The following TSPAN8 variants were observed in gnomAD, a reference collection of about 807,000 sequenced individuals.
TSPAN8 encodes tetraspanin-8.
A neutral mutation model predicts 32.8 loss-of-function variants in TSPAN8; 21 were observed. That is an observed-to-expected ratio of 0.64 (90% confidence interval 0.45 to 0.92). The LOEUF is 0.92. TSPAN8 is among the 40% of genes least tolerant of loss of function. The pLI, the probability that TSPAN8 is intolerant of heterozygous loss-of-function variation, is 0.00. For synonymous variants in TSPAN8, 95 were observed against 94.6 expected, an observed-to-expected ratio of 1.00 and a Z score of -0.03; for missense variants, 269 against 281.9, an observed-to-expected ratio of 0.95 and a Z score of 0.33.
At chr12:71,130,023 G>A (rs1871472450) in intron 7 of TSPAN8, among the ~76,000 whole-genome samples, 1 of 150,012 alleles carries the variant, frequency 6.7e-6, no homozygotes, top group Admixed American at 6.7e-5. Context: ...CGCAATCTTG[G>A]CTCACTGCAG....
intron 4 of TSPAN8, among the ~76,000 whole-genome samples, chr12:71,138,614 A>C (rs1486709271): frequency 6.6e-6 from 1 of 152,210 alleles, no homozygotes; most frequent in East Asian, 1.9e-4. Context: ...TCTCCACTAC[A>C]TTCAGAATCA....
At chr12:71,142,330 G>A (rs973739131) in intron 3 of TSPAN8, among the ~76,000 whole-genome samples, 4 of 152,174 alleles carry the variant, frequency 2.6e-5, no homozygotes, top group Non-Finnish European at 4.4e-5. Flanking sequence ...AAGGACAACA[G>A]TTCCCCTTTA....
chr12:71,145,068 G>C (rs1047243686), intron 2 of TSPAN8, among the ~76,000 whole-genome samples: 1 of 152,020 alleles, frequency 6.6e-6, no homozygotes, highest in Middle Eastern at 3.2e-3. Context: ...CAGGCCTTGG[G>C]GGACTTAGTA....
chr12:71,156,623 TTTAA>T (rs538505432), intron 2 of TSPAN8, among the ~76,000 whole-genome samples: 105 of 152,210 alleles, frequency 6.9e-4, no homozygotes, highest in Non-Finnish European at 1.3e-3. Flanking sequence ...TGTAGTTAAG[TTTAA>T]TTAAGTTCAT....
At chr12:71,141,446 T>C (rs1871901658) in intron 3 of TSPAN8, among the ~76,000 whole-genome samples, 1 of 152,226 alleles carries the variant, frequency 6.6e-6, no homozygotes, top group South Asian at 2.1e-4. Flanking sequence ...ACTAGAATAT[T>C]GTGGCCAGTA....
Position 71,157,682 on chromosome 12 carries a change from G to A in TSPAN8, c.-4C>T, listed in dbSNP as rs374994054. On this transcript the variant is annotated 5_prime_UTR_variant, in exon 2 of 9. Transcript: ENST00000247829. ...TACAGGCACTCACACCTGCCATTTCGGAAAAGGATTAGGAATCCAGATGCC... is the reference window on the plus strand; with the variant it reads ...TACAGGCACTCACACCTGCCATTTCAGAAAAGGATTAGGAATCCAGATGCC... 55 of 1,612,410 alleles carry A rather than the reference G, an allele frequency of 3.4e-5. No individual in the cohort carries two copies. In the Middle Eastern group the frequency reaches 8.3e-4, roughly 24 times the overall value.
At chr12:71,149,340 C>T (rs1401693988) in intron 2 of TSPAN8, among the ~76,000 whole-genome samples, 1 of 150,728 alleles carries the variant, frequency 6.6e-6, no homozygotes, top group African/African-American at 2.4e-5. Flanking sequence ...TGCACTCCAG[C>T]CTGGGCAACA....
chr12:71,134,883 TAAA>T (rs1273845164), intron 6 of TSPAN8, among the ~76,000 whole-genome samples: 2 of 152,124 alleles, frequency 1.3e-5, no homozygotes, highest in African/African-American at 2.4e-5. Context: ...TAAGAGCAGT[TAAA>T]GAAGAAGCTG....
Position 71,125,219 on chromosome 12 carries a change from C to T in TSPAN8, c.*115G>A, listed in dbSNP as rs765088880. 34 of 830,608 alleles carry T rather than the reference C, an allele frequency of 4.1e-5. No individual in the cohort carries two copies. Among genetic ancestry groups the T allele is most frequent in the Non-Finnish European group, 5.4e-5 (28 of 518,522 alleles). The allele number at this position is 830,608 out of a possible 1,614,324, so 51.5% of individuals were successfully genotyped here. A position where few individuals can be genotyped will look rare whatever the true frequency, so the allele number is the denominator to read the frequency against. ...ATATCTGTGGTCTAGCTAGCCGAGACATTTTAAAAAGACAGCTGCTCCTGA... is the reference window on the plus strand; with the variant it reads ...ATATCTGTGGTCTAGCTAGCCGAGATATTTTAAAAAGACAGCTGCTCCTGA... On this transcript the variant is annotated 3_prime_UTR_variant, in exon 9 of 9. Coordinates refer to ENST00000247829, the MANE Select transcript of TSPAN8 (RefSeq NM_004616.3).
intron 8 of TSPAN8, among the ~76,000 whole-genome samples, chr12:71,126,938 G>C (rs1392379866): frequency 3.3e-5 from 5 of 152,080 alleles, no homozygotes; most frequent in African/African-American, 1.2e-4. Context: ...ACAATCTTTA[G>C]CATCCAATGT....
At chr12:71,156,191 G>C (rs570789227) in intron 2 of TSPAN8, among the ~76,000 whole-genome samples, 8 of 145,062 alleles carry the variant, frequency 5.5e-5, no homozygotes, top group African/African-American at 1.8e-4. Context: ...TGGCCACCTG[G>C]GCTGGCCAAT....
intron 8 of TSPAN8, among the ~76,000 whole-genome samples, chr12:71,127,073 T>C (rs1293858051): frequency 1.3e-5 from 2 of 152,156 alleles, no homozygotes; most frequent in Non-Finnish European, 1.5e-5. Context: ...TTTTTTTATA[T>C]GATATTTTTC....
intron 7 of TSPAN8, 53 bp from the exon 8 acceptor site, chr12:71,129,467 T>C (rs2137045835): frequency 6.8e-7 from 1 of 1,468,268 alleles, no homozygotes; most frequent in Non-Finnish European, 9.1e-7. Flanking sequence ...TTCGACCTTA[T>C]ATTAATCAAA....
At chr12:71,151,582 C>T (rs1472420287) in intron 2 of TSPAN8, among the ~76,000 whole-genome samples, 1 of 152,112 alleles carries the variant, frequency 6.6e-6, no homozygotes, top group Non-Finnish European at 1.5e-5. Flanking sequence ...GACACAAATT[C>T]AGTAATATTC....
chr12:71,132,711 TC>T lies in TSPAN8; in HGVS notation c.557del (p.Gly186GlufsTer13), dbSNP rs751785765. ...TTCTCACCTCTTTGTAAACTTGTTTTCCATTATAGCTTTGGCATGGTCTCTG... is the reference window on the plus strand; with the variant it reads ...TTCTCACCTCTTTGTAAACTTGTTTTCATTATAGCTTTGGCATGGTCTCTG... ...DKQRPCQSYN[G>X]KQVYKETCIS... is the part of the protein sequence containing the mutation. On this transcript the variant is annotated frameshift_variant, in exon 7 of 9. Coordinates refer to ENST00000247829, the MANE Select transcript of TSPAN8 (RefSeq NM_004616.3). LOFTEE classifies it high-confidence loss of function. The T allele has an allele frequency of 2.5e-6, 4 of 1,613,760 alleles. No homozygotes were observed. The East Asian group carries it at 8.9e-5, about 36-fold the overall frequency.
chr12:71,125,429 A>G (rs1350634611), intron 8 of TSPAN8, 42 bp from the exon 9 acceptor site: 5 of 1,496,758 alleles, frequency 3.3e-6, no homozygotes, highest in South Asian at 2.3e-5. Flanking sequence ...ATTTAAGGGA[A>G]AACACTGGAC....
chr12:71,156,269 C>CAAAAAAAAAAAAA (rs1287011627), intron 2 of TSPAN8, among the ~76,000 whole-genome samples: 1 of 32,514 alleles, frequency 3.1e-5, no homozygotes, highest in African/African-American at 1.3e-4. Flanking sequence ...AAAAAAAAAA[C>CAAAAAAAAAAAAA]AAACAAAAAA....
intron 6 of TSPAN8, among the ~76,000 whole-genome samples, chr12:71,133,649 G>A (rs1462010256): frequency 6.6e-6 from 1 of 152,144 alleles, no homozygotes; most frequent in Admixed American, 6.5e-5. Flanking sequence ...TAAAATATGG[G>A]AGGGAACACA....
At position 71,138,179 on chromosome 12, in the gene TSPAN8, G is replaced by T; in HGVS notation, c.313C>A (p.Leu105Ile). 1.9e-6 allele frequency: 3 copies of T among 1,613,730 alleles called. No homozygotes were observed. Among genetic ancestry groups the T allele is most frequent in the Middle Eastern group, 1.7e-4 (1 of 6,054 alleles). The change falls in exon 5 of 9, where the codon CTA becomes ATA. Residue 105 changes from leucine (L) to isoleucine (I), a missense_variant. Coordinates refer to ENST00000247829, the MANE Select transcript of TSPAN8 (RefSeq NM_004616.3). ...ILLLQVATGILGAVFKSKSDR... is the reference protein window; with the variant it reads ...ILLLQVATGIIGAVFKSKSDR... ...ACCTTAGATTTGAAAACAGCTCCTA[G>T]GATACCTGTCGCCACCTGCAGGAGC...
Sources: gnomAD v4.1 joint callset for allele counts (sites outside exome capture counted in the v4.1 genomes callset) on GRCh38, gnomAD v4.1.1 for gene constraint, MANE v1.5 for transcripts, NCBI Gene and HGNC (gene_info 2026-07-23, HGNC 2026-07-21) for gene names.